HHAT: variants seen among roughly 807,000 people sequenced by gnomAD.
HHAT encodes protein-cysteine N-palmitoyltransferase HHAT.
In HHAT, 47 loss-of-function variants were observed where a neutral mutation model predicts 70.8. That is an observed-to-expected ratio of 0.66 (90% CI 0.53 to 0.85). The LOEUF is 0.85. Ranked by LOEUF, HHAT falls within the 40% of genes least tolerant of loss-of-function variation. The pLI is 0.00. For synonymous variants in HHAT, 228 were observed against 247.6 expected (o/e 0.92, Z 0.74); for missense variants, 609 against 604.8 (o/e 1.01, Z -0.07).
intron 9 of HHAT, among the ~76,000 whole-genome samples, chr1:210,582,891 T>G (rs1659591976): frequency 6.6e-6 from 1 of 152,248 alleles, no homozygotes; most frequent in African/African-American, 2.4e-5. Context: ...CTTTGTAAAT[T>G]GTAATCATTA....
At chr1:210,487,353 G>C (rs576213352) in intron 8 of HHAT, among the ~76,000 whole-genome samples, 1 of 152,222 alleles carries the variant, frequency 6.6e-6, no homozygotes, top group African/African-American at 2.4e-5. Flanking sequence ...GCATAAACAT[G>C]GTCTCCTGCA....
rs972718666 is a variant in HHAT, at chr1:210,506,580, G to A, written c.1008-6573G>A. 4.6e-5 allele frequency among the ~76,000 whole-genome samples: 7 copies of A among 152,294 alleles called. No homozygotes were observed. In the East Asian group the frequency reaches 1.3e-3, roughly 29 times the overall value. ...ATGAGGAAACCCTGGTTTTCTGTGG[G>A]CTGGTTAGTTGTGAGACTATTTCCT... On this transcript the variant is annotated intron_variant, in intron 8 of 11. Transcript: ENST00000261458.
intron 10 of HHAT, chr1:210,588,437 T>C (rs1181988805): frequency 9.3e-6 from 2 of 215,556 alleles, no homozygotes; most frequent in Non-Finnish European, 1.9e-5. Flanking sequence ...GACATATGTA[T>C]ATAACATTAA....
At chr1:210,672,456 A>G (rs775840763) in intron 11 of HHAT, among the ~76,000 whole-genome samples, 1 of 152,122 alleles carries the variant, frequency 6.6e-6, no homozygotes, top group Non-Finnish European at 1.5e-5. Flanking sequence ...GTCCCTTCCC[A>G]TCTGACAAAC....
intron 10 of HHAT, among the ~76,000 whole-genome samples, chr1:210,621,606 TGAA>T (rs1668839894): frequency 1.3e-5 from 2 of 152,080 alleles, no homozygotes; most frequent in Admixed American, 1.3e-4. Flanking sequence ...TTCTCAGAGG[TGAA>T]GAGTGCTGAA....
chr1:210,572,240 A>G (rs1402571496), intron 9 of HHAT, among the ~76,000 whole-genome samples: 1 of 152,196 alleles, frequency 6.6e-6, no homozygotes, highest in East Asian at 1.9e-4. Flanking sequence ...CTGTTCTGTC[A>G]AAGCTGATTT....
intron 5 of HHAT, among the ~76,000 whole-genome samples, chr1:210,401,900 GGAC>G (rs111234911): frequency 0.027 from 4,078 of 152,206 alleles, 183 homozygotes; most frequent in African/African-American, 0.088. Context: ...GGACGGCTCT[GGAC>G]TATCTGTTTC....
chr1:210,534,613 TG>T, intron 9 of HHAT, among the ~76,000 whole-genome samples: 1 of 152,324 alleles, frequency 6.6e-6, no homozygotes, highest in South Asian at 2.1e-4. Flanking sequence ...AATTCATTTA[TG>T]TTTAATGTAT....
intron 1 of HHAT, among the ~76,000 whole-genome samples, chr1:210,342,666 A>C (rs1329882888): frequency 6.6e-6 from 1 of 152,166 alleles, no homozygotes; most frequent in African/African-American, 2.4e-5. Context: ...CAGAAAAGAA[A>C]CATCACTTAC....
At chr1:210,464,397 G>A in intron 7 of HHAT, 108 bp from the exon 8 acceptor site, 1 of 1,013,410 alleles carries the variant, frequency 9.9e-7, no homozygotes, top group Non-Finnish European at 1.5e-6. Context: ...GGGAGGAAGG[G>A]GTGTGGGGAG....
rs147315804 is a variant in HHAT, at chr1:210,361,029, C to T, written c.92-1823C>T. ...CCAGCCTCAGGAAATCTGAGGCTAG[C>T]GTGTAAATGCCACTGCTTTTGAATG... On this transcript the variant is annotated intron_variant, in intron 2 of 11. Coordinates refer to ENST00000261458, the MANE Select transcript of HHAT (RefSeq NM_018194.6). Among the ~76,000 whole-genome samples the T allele has an allele frequency of 3.4e-3, 509 of 151,754 alleles. 7 individuals carry two copies. Among genetic ancestry groups the T allele is most frequent in the African/African-American group, 0.012 (484 of 41,386 alleles).
chr1:210,360,649 T>C (rs577750681), intron 2 of HHAT, among the ~76,000 whole-genome samples: 2 of 152,140 alleles, frequency 1.3e-5, no homozygotes, highest in East Asian at 1.9e-4. Context: ...TGTCCAATAT[T>C]GTACTCGTGG....
chr1:210,661,362 C>T (rs1048214367), intron 11 of HHAT, among the ~76,000 whole-genome samples: 6 of 152,242 alleles, frequency 3.9e-5, no homozygotes, highest in African/African-American at 1.2e-4. Context: ...TACCATCTCA[C>T]ACCAGTTAGA....
intron 11 of HHAT, among the ~76,000 whole-genome samples, chr1:210,662,800 G>GC (rs1019656273): frequency 3.9e-5 from 6 of 152,116 alleles, no homozygotes; most frequent in African/African-American, 1.4e-4. Context: ...GTAAGTGCTT[G>GC]CCTGCAGAGC....
chr1:210,640,111 C>T (rs1381955569), intron 11 of HHAT, among the ~76,000 whole-genome samples: 1 of 152,156 alleles, frequency 6.6e-6, no homozygotes, highest in East Asian at 1.9e-4. Context: ...AGTGTTAATC[C>T]ATGGCTAAGA....
rs540740640 is a variant in HHAT, at chr1:210,403,047, C to T, written c.469-1417C>T. On this transcript the variant is annotated intron_variant, in intron 5 of 11. Transcript: ENST00000261458. The stretch of plus-strand genomic sequence containing the variant: ...TCATGGGATTGTTCTGAGAGTCAAA[C>T]GGGATAATCTATGTTAAGTGATTTT... 3.9e-5 allele frequency among the ~76,000 whole-genome samples: 6 copies of T among 152,268 alleles called. No individual in the cohort carries two copies. In the South Asian group the frequency reaches 6.2e-4, roughly 16 times the overall value.
intron 8 of HHAT, among the ~76,000 whole-genome samples, chr1:210,480,145 A>G (rs889779990): frequency 1.3e-5 from 2 of 152,194 alleles, no homozygotes; most frequent in Non-Finnish European, 2.9e-5. Flanking sequence ...TGAATTACAT[A>G]GCTATTGGAA....
In HHAT at chr1:210,631,715, A is replaced by G. The variant is rs1002938603; in HGVS notation, c.1390+8045A>G. The stretch of plus-strand genomic sequence containing the variant: ...ATGTAAGGGCGGCGCTGGAAATGCA[A>G]CAAAGGACAACAGCATGGCTGGCTG... On this transcript the variant is annotated intron_variant, in intron 11 of 11. Transcript: ENST00000261458. Among the ~76,000 whole-genome samples, 6 of 152,216 alleles carry G rather than the reference A, an allele frequency of 3.9e-5. 1 individual carries two copies. Among genetic ancestry groups the G allele is most frequent in the Admixed American group, 3.3e-4 (5 of 15,282 alleles).
At chr1:210,627,384 T>C (rs1002993651) in intron 11 of HHAT, among the ~76,000 whole-genome samples, 4 of 152,194 alleles carry the variant, frequency 2.6e-5, no homozygotes, top group African/African-American at 9.7e-5. Context: ...TTAAAATTGG[T>C]ATCTTCCTGT....
Sources: allele counts gnomAD v4.1 joint callset (sites outside exome capture counted in the v4.1 genomes callset), GRCh38; gene constraint gnomAD v4.1.1; transcripts MANE v1.5; gene names NCBI Gene and HGNC (gene_info 2026-07-23, HGNC 2026-07-21).